Variants in TMEM135 observed in about 807,000 individuals in gnomAD.
TMEM135 encodes transmembrane protein 135, also known as peroxisomal membrane protein 52.
In TMEM135, 30 loss-of-function variants were observed where a neutral mutation model predicts 60.3. That is an observed-to-expected ratio of 0.50 (90% CI 0.37 to 0.68). The LOEUF (loss-of-function observed/expected upper bound fraction) is 0.68. TMEM135 is among the 30% of genes least tolerant of loss of function. The pLI is 0.00. For missense variants in TMEM135, 468 were observed against 548.8 expected, an observed-to-expected ratio of 0.85 and a Z score of 1.47; for synonymous variants, 190 against 186.7, an observed-to-expected ratio of 1.02 and a Z score of -0.14.
intron 3 of TMEM135, among the ~76,000 whole-genome samples, chr11:87,086,986 A>AT (rs1360916716): frequency 1.3e-5 from 2 of 152,048 alleles, no homozygotes; most frequent in African/African-American, 4.8e-5. Flanking sequence ...CTTTCTGCTG[A>AT]TGGGGGTGCT....
intron 5 of TMEM135, among the ~76,000 whole-genome samples, chr11:87,175,931 G>T (rs1486609501): frequency 1.3e-5 from 2 of 152,124 alleles, no homozygotes; most frequent in African/African-American, 2.4e-5. Context: ...GAGTTCAGCG[G>T]CAAGTAACTT....
intron 6 of TMEM135, among the ~76,000 whole-genome samples, chr11:87,254,033 A>G (rs767699061): frequency 6.6e-6 from 1 of 152,114 alleles, no homozygotes; most frequent in Admixed American, 6.6e-5. Context: ...AGGGTGTCTT[A>G]TATATAACAA....
chr11:87,092,119 A>G (rs901510709), intron 4 of TMEM135, among the ~76,000 whole-genome samples: 2 of 152,168 alleles, frequency 1.3e-5, no homozygotes, highest in South Asian at 2.1e-4. Flanking sequence ...TCAGAGTTAC[A>G]TTTAGCAATT....
rs72955841 is a variant in TMEM135, at chr11:87,239,315, T to C, written c.509+2631T>C. Among the ~76,000 whole-genome samples, 177 of 152,222 alleles carry C rather than the reference T, an allele frequency of 1.2e-3. 2 individuals carry two copies. Among genetic ancestry groups the C allele is most frequent in the Admixed American group, 2.8e-3 (43 of 15,272 alleles). ...ATTCGCTGTTCTTGGCAGAAGTTTG[T>C]TTGAATAGCTCAACAGAGGTTTGGT... is the stretch of plus-strand genomic sequence containing the variant. On this transcript the variant is annotated intron_variant, in intron 6 of 14. Transcript: ENST00000305494.
At chr11:87,139,615 G>A (rs1286806320) in intron 4 of TMEM135, among the ~76,000 whole-genome samples, 1 of 152,132 alleles carries the variant, frequency 6.6e-6, no homozygotes, top group Non-Finnish European at 1.5e-5. Flanking sequence ...AAATTTACAG[G>A]AAACTGACAA....
intron 5 of TMEM135, among the ~76,000 whole-genome samples, chr11:87,196,805 A>C (rs1939969568): frequency 6.6e-6 from 1 of 152,166 alleles, no homozygotes; most frequent in African/African-American, 2.4e-5. Flanking sequence ...TCCAAGTGGG[A>C]TAATCCACTG....
At chr11:87,184,227 G>T (rs949724844) in intron 5 of TMEM135, among the ~76,000 whole-genome samples, 3 of 152,034 alleles carry the variant, frequency 2.0e-5, no homozygotes, top group Non-Finnish European at 4.4e-5. Flanking sequence ...TAAAGAATGG[G>T]TATATGAATA....
At chr11:87,207,131 G>C (rs896075250) in intron 5 of TMEM135, among the ~76,000 whole-genome samples, 1 of 152,096 alleles carries the variant, frequency 6.6e-6, no homozygotes, top group Non-Finnish European at 1.5e-5. Context: ...AGGAGAATAG[G>C]ACAAAAGATG....
intron 5 of TMEM135, among the ~76,000 whole-genome samples, chr11:87,215,232 T>G (rs892604599): frequency 6.6e-6 from 1 of 152,208 alleles, no homozygotes; most frequent in African/African-American, 2.4e-5. Flanking sequence ...TTGTTCTACC[T>G]AAGTGATTTC....
chr11:87,243,776 T>C (rs1181979112), intron 6 of TMEM135, among the ~76,000 whole-genome samples: 3 of 89,472 alleles, frequency 3.4e-5, no homozygotes, highest in African/African-American at 8.5e-5. Flanking sequence ...TTTCTAGATA[T>C]ACAATCATGT....
chr11:87,223,217 C>T (rs1030651735), intron 5 of TMEM135, among the ~76,000 whole-genome samples: 27 of 147,258 alleles, frequency 1.8e-4, no homozygotes, highest in South Asian at 6.4e-4. Flanking sequence ...CAGGCTGGAG[C>T]GCAGTGGCGC....
intron 4 of TMEM135, among the ~76,000 whole-genome samples, chr11:87,122,692 C>T (rs959031543): frequency 2.0e-5 from 3 of 152,060 alleles, no homozygotes; most frequent in Non-Finnish European, 4.4e-5. Context: ...AACTTCTGAC[C>T]TCAGGTGACC....
intron 3 of TMEM135, among the ~76,000 whole-genome samples, chr11:87,077,009 C>G (rs56661817): frequency 0.048 from 7,288 of 152,218 alleles, 575 homozygotes; most frequent in African/African-American, 0.16. Context: ...CTTATGTATA[C>G]TCATTTGTGT....
intron 5 of TMEM135, among the ~76,000 whole-genome samples, chr11:87,196,843 T>G (rs1236118263): frequency 6.6e-6 from 1 of 152,112 alleles, no homozygotes; most frequent in Non-Finnish European, 1.5e-5. Flanking sequence ...GTAAAAGTAT[T>G]TAGAATTTTT....
intron 5 of TMEM135, among the ~76,000 whole-genome samples, chr11:87,177,631 C>G (rs974855257): frequency 2.6e-5 from 4 of 152,014 alleles, no homozygotes; most frequent in Non-Finnish European, 5.9e-5. Flanking sequence ...TATCACTTCC[C>G]ATTGCTACTC....
chr11:87,170,588 ACC>A (rs1939207628), intron 5 of TMEM135, among the ~76,000 whole-genome samples: 1 of 152,234 alleles, frequency 6.6e-6, no homozygotes, highest in South Asian at 2.1e-4. Context: ...TCTACTCCAG[ACC>A]CTGTTTGCAT....
chr11:87,233,104 T>C (rs935526768), intron 5 of TMEM135, among the ~76,000 whole-genome samples: 4 of 152,032 alleles, frequency 2.6e-5, no homozygotes, highest in Non-Finnish European at 5.9e-5. Flanking sequence ...TGAGCCGAGA[T>C]TGCACCACTG....
At chr11:87,154,827 G>A (rs1384131503) in intron 4 of TMEM135, among the ~76,000 whole-genome samples, 4 of 152,224 alleles carry the variant, frequency 2.6e-5, no homozygotes, top group Non-Finnish European at 4.4e-5. Context: ...GGGTTGTTTA[G>A]TTTTTGTTGT....
At chr11:87,207,350 C>G (rs1940257688) in intron 5 of TMEM135, among the ~76,000 whole-genome samples, 1 of 152,164 alleles carries the variant, frequency 6.6e-6, no homozygotes, top group South Asian at 2.1e-4. Flanking sequence ...CTGTGACTCT[C>G]TTACCTTATG....
Sources: gnomAD v4.1 joint callset for allele counts (sites outside exome capture counted in the v4.1 genomes callset) on GRCh38, gnomAD v4.1.1 for gene constraint, MANE v1.5 for transcripts, NCBI Gene and HGNC (gene_info 2026-07-23, HGNC 2026-07-21) for gene names.